KDM2A: variants seen among roughly 807,000 people sequenced by gnomAD.
KDM2A encodes the protein lysine demethylase 2A.
A neutral mutation model predicts 137.3 loss-of-function variants in KDM2A; 3 were observed. That is an observed-to-expected ratio of 0.02 (90% CI 0.01 to 0.06). KDM2A has a LOEUF of 0.06. Among genes scored for constraint, KDM2A ranks in the 10% least tolerant of loss-of-function variants. KDM2A has a pLI of 1.00. For missense variants in KDM2A, 738 were observed against 1,510.6 expected (o/e 0.49, Z 8.48); for synonymous variants, 512 against 541.5 (o/e 0.95, Z 0.76).
In KDM2A at chr11:67,180,062, GTTCC is replaced by G. The variant is rs746330826; in HGVS notation, c.43-14_43-11del. On this transcript the variant is annotated splice_polypyrimidine_tract_variant and intron_variant, in intron 2 of 20. Transcript: ENST00000529006. ...AAAAAGTGCATGATTTCATCAGTATGTTCCTTTCTTTCCTAGCGTGGTACCATGC... is the reference window on the plus strand; with the variant it reads ...AAAAAGTGCATGATTTCATCAGTATGTTTCTTTCCTAGCGTGGTACCATGC... The G allele has an allele frequency of 4.4e-6, 7 of 1,608,128 alleles. No homozygotes were observed. In the African/African-American group the frequency reaches 8.1e-5, roughly 18 times the overall value.
intron 2 of KDM2A, among the ~76,000 whole-genome samples, chr11:67,169,727 C>CTT (rs932439662): frequency 1.0e-5 from 1 of 100,056 alleles, no homozygotes; most frequent in Non-Finnish European, 2.5e-5. Flanking sequence ...CTCTCTCTCT[C>CTT]TCTCCTTCTC....
chr11:67,178,883 G>C (rs1488226084), intron 2 of KDM2A, among the ~76,000 whole-genome samples: 1 of 152,138 alleles, frequency 6.6e-6, no homozygotes. Flanking sequence ...TTGAAAAGAA[G>C]AACGTATGTT....
intron 2 of KDM2A, among the ~76,000 whole-genome samples, chr11:67,150,771 A>G (rs1049955508): frequency 6.6e-6 from 1 of 151,912 alleles, no homozygotes; most frequent in African/African-American, 2.4e-5. Flanking sequence ...GTGTGAGACC[A>G]GCCTGGGCAA....
intron 2 of KDM2A, among the ~76,000 whole-genome samples, chr11:67,143,717 C>T (rs959991608): frequency 3.9e-5 from 6 of 152,166 alleles, no homozygotes; most frequent in Non-Finnish European, 8.8e-5. Context: ...ACTGCAACCT[C>T]TGCCTCCTGG....
intron 9 of KDM2A, 62 bp downstream of exon 9, chr11:67,217,946 A>T: frequency 7.3e-7 from 1 of 1,374,818 alleles, no homozygotes; most frequent in Non-Finnish European, 9.8e-7. Context: ...AAAGAAATTG[A>T]TGGATTACCA....
intron 2 of KDM2A, among the ~76,000 whole-genome samples, chr11:67,146,175 A>G (rs1204783708): frequency 6.6e-6 from 1 of 151,442 alleles, no homozygotes; most frequent in African/African-American, 2.4e-5. Context: ...TTCTATTTTT[A>G]GTAGAGACAG....
At chr11:67,180,449 G>T in intron 3 of KDM2A, 1 of 365,996 alleles carries the variant, frequency 2.7e-6, no homozygotes. Context: ...GAGTATTGTT[G>T]GATTTTTTTG....
chr11:67,144,641 C>T (rs947949138), intron 2 of KDM2A, among the ~76,000 whole-genome samples: 2 of 151,386 alleles, frequency 1.3e-5, no homozygotes, highest in Non-Finnish European at 2.9e-5. Context: ...AGTAATAGCT[C>T]ACTGCATCCA....
intron 2 of KDM2A, among the ~76,000 whole-genome samples, chr11:67,148,342 C>A (rs1236593340): frequency 1.3e-5 from 2 of 151,750 alleles, no homozygotes; most frequent in Non-Finnish European, 2.9e-5. Flanking sequence ...GGTCGCTTGA[C>A]CCCCGGAGGT....
At chr11:67,240,233 T>C in intron 12 of KDM2A, 1 of 1,535,598 alleles carries the variant, frequency 6.5e-7, no homozygotes, top group Middle Eastern at 1.7e-4. Flanking sequence ...TTCCAGAATA[T>C]TCAAGTAAAT....
rs867219644 is a variant in KDM2A, at chr11:67,141,682, A to T, written c.42+20324A>T. On this transcript the variant is annotated intron_variant, in intron 2 of 20. Transcript: ENST00000529006. ...ACTCGTTCCAAAAAAAAAAAAAAAAAATATATATATATATATATATATATA... is the reference window on the plus strand; with the variant it reads ...ACTCGTTCCAAAAAAAAAAAAAAAATATATATATATATATATATATATATA... Among the ~76,000 whole-genome samples the T allele has an allele frequency of 3.4e-3, 409 of 119,312 alleles. 5 individuals carry two copies. The highest frequency in any genetic ancestry group is 0.012 in the African/African-American group (378 of 30,856). The allele number at this position is 119,312 out of a possible 152,430, so 78.3% of individuals were successfully genotyped here.
chr11:67,167,740 A>G (rs1856779297), intron 2 of KDM2A, among the ~76,000 whole-genome samples: 1 of 152,064 alleles, frequency 6.6e-6, no homozygotes, highest in African/African-American at 2.4e-5. Context: ...AACATTTTTC[A>G]TGTATGGAAA....
chr11:67,166,581 C>T (rs927678900), intron 2 of KDM2A, among the ~76,000 whole-genome samples: 2 of 152,002 alleles, frequency 1.3e-5, no homozygotes, highest in East Asian at 3.9e-4. Context: ...ACTTCTTGCC[C>T]GGCATGGTGG....
chr11:67,217,961 G>A, intron 9 of KDM2A, 77 bp downstream of exon 9: 1 of 1,250,940 alleles, frequency 8.0e-7, no homozygotes, highest in Non-Finnish European at 1.1e-6. Flanking sequence ...TTACCACCAA[G>A]AATAGTTATG....
intron 2 of KDM2A, among the ~76,000 whole-genome samples, chr11:67,162,121 T>C (rs980859648): frequency 2.0e-5 from 3 of 152,158 alleles, no homozygotes; most frequent in Non-Finnish European, 4.4e-5. Context: ...CTAAGAAATA[T>C]AATGATGGAT....
intron 11 of KDM2A, 21 bp from the exon 12 acceptor site, chr11:67,231,545 A>AT (rs915603922): frequency 7.7e-6 from 12 of 1,560,658 alleles, no homozygotes; most frequent in African/African-American, 4.1e-5. Context: ...TTCTTACTGC[A>AT]TTTTTTCTTC....
intron 5 of KDM2A, 61 bp downstream of exon 5, chr11:67,181,953 T>A: frequency 7.2e-7 from 1 of 1,394,616 alleles, no homozygotes; most frequent in Non-Finnish European, 1.0e-6. Flanking sequence ...AGGACTGAAT[T>A]AAATCTCTGA....
chr11:67,239,295 C>T (rs1470680977), intron 12 of KDM2A, among the ~76,000 whole-genome samples: 1 of 152,142 alleles, frequency 6.6e-6, no homozygotes, highest in Non-Finnish European at 1.5e-5. Context: ...AGTTGTTTGA[C>T]TTGGTCACGG....
intron 10 of KDM2A, among the ~76,000 whole-genome samples, chr11:67,220,994 G>C (rs955790042): frequency 6.8e-6 from 1 of 147,560 alleles, no homozygotes; most frequent in Admixed American, 6.9e-5. Flanking sequence ...CTATTAATAC[G>C]TCAGCACATT....
Sources: allele counts gnomAD v4.1 joint callset (sites outside exome capture counted in the v4.1 genomes callset), GRCh38; gene constraint gnomAD v4.1.1; transcripts MANE v1.5; gene names NCBI Gene and HGNC (gene_info 2026-07-23, HGNC 2026-07-21).